The following ATP2C2 variants were observed in gnomAD, a reference collection of about 807,000 sequenced individuals.
ATP2C2 encodes the protein ATPase secretory pathway Ca2+ transporting 2, also known as calcium-transporting ATPase type 2C member 2.
In ATP2C2, 171 loss-of-function variants were observed where a neutral mutation model predicts 110.8. That is an observed-to-expected ratio of 1.54 (90% confidence interval 1.36 to 1.75). The LOEUF (loss-of-function observed/expected upper bound fraction) is 1.75. ATP2C2 is among the 40% of genes most tolerant of loss of function. The pLI is 0.00. For synonymous variants in ATP2C2, 804 were observed against 508.4 expected, an observed-to-expected ratio of 1.58 and a Z score of -7.82; for missense variants, 1,963 against 1,235.0, an observed-to-expected ratio of 1.59 and a Z score of -8.84.
intron 11 of ATP2C2, among the ~76,000 whole-genome samples, chr16:84,428,642 C>G (rs533708661): frequency 1.3e-5 from 2 of 152,150 alleles, no homozygotes; most frequent in Non-Finnish European, 2.9e-5. Flanking sequence ...AAATGACAGA[C>G]ACTTGGAAAA....
rs1313023466 is a variant in ATP2C2 at position 84,446,428 on chromosome 16, G to A, written c.1501G>A (p.Glu501Lys). 2.5e-6 allele frequency: 4 copies of A among 1,593,028 alleles called. No individual in the cohort carries two copies. Among genetic ancestry groups the A allele is most frequent in the Non-Finnish European group, 3.4e-6 (4 of 1,170,134 alleles). The change falls in exon 16 of 27, where the codon GAG (glutamate) becomes AAG (lysine). Residue 501 changes from glutamate (E) to lysine (K), a missense_variant and splice_region_variant. By Grantham distance (56) the Glu-to-Lys change is moderately conservative. Transcript: ENST00000262429. ...WMAVKCSLKTEDQEDIYFMKG... is the reference protein window; with the variant it reads ...WMAVKCSLKTKDQEDIYFMKG... The stretch of plus-strand genomic sequence containing the variant: ...GGCGGTGAAATGCAGTCTGAAGACT[G>A]AGGTGAGACCTTTCAATCTTCAACC...
At chr16:84,389,476 G>A (rs116616385) in intron 1 of ATP2C2, among the ~76,000 whole-genome samples, 1 of 152,320 alleles carries the variant, frequency 6.6e-6, no homozygotes, top group African/African-American at 2.4e-5. Flanking sequence ...CAAACAATAA[G>A]TGCACGCTTG....
intron 10 of ATP2C2, among the ~76,000 whole-genome samples, chr16:84,424,965 A>G (rs1228430263): frequency 1.3e-5 from 2 of 151,970 alleles, no homozygotes; most frequent in Admixed American, 6.6e-5. Flanking sequence ...TTGCTAATCT[A>G]TTTCATTTGA....
At chr16:84,392,391 A>G (rs1227732338) in intron 1 of ATP2C2, among the ~76,000 whole-genome samples, 2 of 152,164 alleles carry the variant, frequency 1.3e-5, no homozygotes, top group Admixed American at 1.3e-4. Flanking sequence ...TATTCAAATC[A>G]GGACTCAAGT....
At chr16:84,451,561 C>G (rs187768624) in intron 17 of ATP2C2, among the ~76,000 whole-genome samples, 4 of 152,256 alleles carry the variant, frequency 2.6e-5, no homozygotes, top group Admixed American at 6.5e-5. Context: ...CAAAGGGCTG[C>G]GCACGTTGCC....
In ATP2C2 at chr16:84,463,672, A is replaced by C; in HGVS notation, c.2781A>C (p.Lys927Asn). 3 of 1,614,160 alleles carry C rather than the reference A, an allele frequency of 1.9e-6. No homozygotes were observed. The highest frequency in any genetic ancestry group is 2.5e-6 in the Non-Finnish European group (3 of 1,180,022). ...SSVFILSELLKLCEKYCCSPK... is the reference protein window; with the variant it reads ...SSVFILSELLNLCEKYCCSPK... ...TCTTCATTTTGTCAGAGCTCCTCAA[A>C]CTATGTGAAAAATACTGTTGCAGCC... Residue 927 changes from lysine to asparagine, a missense_variant, in exon 27 of 27, where the codon AAA becomes AAC. Lys to Asn is a moderately conservative substitution (Grantham distance 94). Coordinates refer to ENST00000262429, the MANE Select transcript of ATP2C2 (RefSeq NM_014861.4).
Position 84,391,132 on chromosome 16 carries a change from A to G in ATP2C2, c.100-7367A>G, listed in dbSNP as rs574042626. The stretch of plus-strand genomic sequence containing the variant: ...CAGACTCAAAAAAAAAAAAAAAAAA[A>G]AAGAAGAAGAAGAAGGGAAGGTTTG... On this transcript the variant is annotated intron_variant, in intron 1 of 26. Coordinates refer to ENST00000262429, the MANE Select transcript of ATP2C2 (RefSeq NM_014861.4). 2.6e-3 allele frequency among the ~76,000 whole-genome samples: 390 copies of G among 149,570 alleles called. 2 individuals carry two copies. The highest frequency in any genetic ancestry group is 8.5e-3 in the African/African-American group (340 of 39,924).
intron 11 of ATP2C2, among the ~76,000 whole-genome samples, chr16:84,432,470 T>G (rs1036483629): frequency 1.3e-5 from 2 of 151,706 alleles, no homozygotes; most frequent in African/African-American, 4.8e-5. Context: ...TCCCCCTCCC[T>G]GTGTCCATGT....
chr16:84,369,785 T>A (rs187197247), intron 1 of ATP2C2, among the ~76,000 whole-genome samples: 174 of 152,374 alleles, frequency 1.1e-3, no homozygotes, highest in African/African-American at 3.9e-3. Flanking sequence ...TGTGCTTTTT[T>A]AAAAATAGTG....
At chr16:84,446,995 G>C (rs1041244993) in intron 16 of ATP2C2, among the ~76,000 whole-genome samples, 5 of 152,224 alleles carry the variant, frequency 3.3e-5, no homozygotes, top group Non-Finnish European at 7.3e-5. Flanking sequence ...TCCCTGGCTA[G>C]AGGAACACAT....
intron 7 of ATP2C2, among the ~76,000 whole-genome samples, chr16:84,421,870 C>G (rs1391823684): frequency 6.6e-6 from 1 of 152,084 alleles, no homozygotes; most frequent in Non-Finnish European, 1.5e-5. Context: ...GCGCACAGGG[C>G]CTGGTGTGTA....
At chr16:84,422,172 A>G (rs959180913) in intron 7 of ATP2C2, among the ~76,000 whole-genome samples, 2 of 152,292 alleles carry the variant, frequency 1.3e-5, no homozygotes, top group Admixed American at 1.3e-4. Context: ...AACAACATTA[A>G]GCAAAGATAT....
intron 1 of ATP2C2, among the ~76,000 whole-genome samples, chr16:84,380,199 T>G (rs1014685171): frequency 5.9e-5 from 9 of 152,130 alleles, no homozygotes; most frequent in Non-Finnish European, 1.3e-4. Flanking sequence ...CAGCAACACC[T>G]ATCTCACCAG....
Position 84,461,929 on chromosome 16 carries a change from C to G in ATP2C2, c.2581-59C>G, listed in dbSNP as rs1430708845. On this transcript the variant is annotated intron_variant, in intron 25 of 26. Coordinates refer to ENST00000262429, the MANE Select transcript of ATP2C2 (RefSeq NM_014861.4). ...GCTCAGCGTGGGCAGTCAGAGCTCCCCTGCCTGTACCTGGGGTGTGGACAG... is the reference window on the plus strand; with the variant it reads ...GCTCAGCGTGGGCAGTCAGAGCTCCGCTGCCTGTACCTGGGGTGTGGACAG... The G allele has an allele frequency of 3.7e-6, 6 of 1,607,998 alleles. No individual in the cohort carries two copies. The African/African-American group carries it at 6.7e-5, about 18-fold the overall frequency.
intron 7 of ATP2C2, among the ~76,000 whole-genome samples, chr16:84,416,923 G>T (rs959680833): frequency 4.2e-5 from 4 of 95,642 alleles, no homozygotes; most frequent in Admixed American, 9.5e-5. Context: ...GAGAAGGGGG[G>T]TCCTAACAGG....
At chr16:84,448,504 G>GAAAAGACAAA in intron 16 of ATP2C2, 29 bp from the exon 17 acceptor site, 1 of 1,592,570 alleles carries the variant, frequency 6.3e-7, no homozygotes, top group Non-Finnish European at 8.6e-7. Context: ...TCCAGTGATA[G>GAAAAGACAAA]TGGATTTCTT....
rs371301222 is a variant in ATP2C2 at position 84,393,299 on chromosome 16, G to A, written c.100-5200G>A. Among the ~76,000 whole-genome samples, 13 of 152,274 alleles carry A rather than the reference G, an allele frequency of 8.5e-5. No homozygotes were observed. In the East Asian group the frequency reaches 1.4e-3, roughly 16 times the overall value. Reference sequence around the variant, plus strand: ...CCTATGCATTCTTAAGGAGATGAGGGGGGTGCCCAGGTAAGCATCCCAGGT... The same window carrying A: ...CCTATGCATTCTTAAGGAGATGAGGAGGGTGCCCAGGTAAGCATCCCAGGT... On this transcript the variant is annotated intron_variant, in intron 1 of 26. Coordinates refer to ENST00000262429, the MANE Select transcript of ATP2C2 (RefSeq NM_014861.4).
intron 11 of ATP2C2, among the ~76,000 whole-genome samples, chr16:84,435,668 C>G (rs149959486): frequency 9.4e-4 from 142 of 151,256 alleles, no homozygotes; most frequent in African/African-American, 3.2e-3. Context: ...TCTACAAATC[C>G]TTTTTTAAAT....
chr16:84,382,593 A>G (rs541222409), intron 1 of ATP2C2, among the ~76,000 whole-genome samples: 2 of 152,328 alleles, frequency 1.3e-5, no homozygotes, highest in East Asian at 1.9e-4. Context: ...AAGGCTGACC[A>G]TAGACATGGC....
Sources: gnomAD v4.1 joint callset for allele counts (sites outside exome capture counted in the v4.1 genomes callset) on GRCh38, gnomAD v4.1.1 for gene constraint, MANE v1.5 for transcripts, NCBI Gene and HGNC (gene_info 2026-07-23, HGNC 2026-07-21) for gene names.